CRADD: variants seen among roughly 807,000 people sequenced by gnomAD.
CRADD encodes death domain-containing protein CRADD.
Under a neutral mutation model 15.5 loss-of-function variants are expected in CRADD, and 9 were observed. The ratio of observed to expected loss-of-function variants is 0.58; its 90% CI spans 0.35 to 1.01. The LOEUF is 1.01. CRADD is among the 50% of genes least tolerant of loss of function. The probability of loss-of-function intolerance (pLI) is 0.02; values close to 1 mark genes in which losing one functional copy is unlikely to be tolerated. For missense variants in CRADD, 227 were observed against 250.3 expected (o/e 0.91, Z 0.63); for synonymous variants, 118 against 107.6 (o/e 1.10, Z -0.60).
chr12:93,713,469 C>T (rs1412794861), intron 2 of CRADD, among the ~76,000 whole-genome samples: 2 of 152,144 alleles, frequency 1.3e-5, no homozygotes, highest in African/African-American at 4.8e-5. Flanking sequence ...TCCACAGATG[C>T]TCAAGTTCCT....
intron 2 of CRADD, among the ~76,000 whole-genome samples, chr12:93,863,248 GGT>G (rs1179704018): frequency 3.9e-5 from 6 of 152,128 alleles, no homozygotes; most frequent in African/African-American, 1.4e-4. Context: ...GGAAGGAACT[GGT>G]CTTGCCCTAT....
chr12:93,813,756 G>T (rs3847787), intron 2 of CRADD, among the ~76,000 whole-genome samples: 6 of 151,910 alleles, frequency 3.9e-5, no homozygotes, highest in African/African-American at 1.4e-4. Context: ...TGTCCTGAGA[G>T]GGGGGTATGG....
At chr12:93,829,987 C>T (rs1398491919) in intron 2 of CRADD, among the ~76,000 whole-genome samples, 67 of 152,110 alleles carry the variant, frequency 4.4e-4, no homozygotes, top group South Asian at 2.1e-4. Flanking sequence ...CCACCACGCC[C>T]GGCGGTTATT....
At chr12:93,687,814 AC>A (rs1376738859) in intron 2 of CRADD, among the ~76,000 whole-genome samples, 1 of 152,150 alleles carries the variant, frequency 6.6e-6, no homozygotes, top group Non-Finnish European at 1.5e-5. Flanking sequence ...AGAATCTCAG[AC>A]CCCATACAGG....
intron 2 of CRADD, among the ~76,000 whole-genome samples, chr12:93,718,764 CTTT>C: frequency 6.9e-6 from 1 of 144,270 alleles, no homozygotes; most frequent in East Asian, 2.0e-4. Context: ...AATTTTCTCT[CTTT>C]TTTTTTTTTT....
chr12:93,863,550 C>G (rs1188412331), intron 2 of CRADD, among the ~76,000 whole-genome samples: 1 of 151,120 alleles, frequency 6.6e-6, no homozygotes, highest in Admixed American at 6.6e-5. Flanking sequence ...GATACTAAAT[C>G]CCCCCAGGCC....
intron 2 of CRADD, among the ~76,000 whole-genome samples, chr12:93,689,037 A>G (rs1010036527): frequency 3.9e-5 from 6 of 152,140 alleles, no homozygotes; most frequent in African/African-American, 1.4e-4. Flanking sequence ...ATGGAAGACC[A>G]TACGGTGGGG....
intron 2 of CRADD, chr12:93,733,660 C>T: frequency 6.6e-6 from 1 of 152,308 alleles, no homozygotes. Flanking sequence ...CTCAGGTGGA[C>T]TGCCACATGC....
intron 2 of CRADD, among the ~76,000 whole-genome samples, chr12:93,845,023 G>C (rs553638714): frequency 6.6e-5 from 10 of 152,280 alleles, no homozygotes; most frequent in African/African-American, 2.4e-4. Context: ...AGTTAGGAAG[G>C]CACCTGGGGA....
intron 2 of CRADD, among the ~76,000 whole-genome samples, chr12:93,697,728 C>T (rs917489840): frequency 4.6e-5 from 7 of 151,836 alleles, no homozygotes; most frequent in Admixed American, 4.6e-4. Flanking sequence ...TGACTGAGGC[C>T]CTTATACCAA....
downstream of CRADD, among the ~76,000 whole-genome samples, chr12:93,851,581 C>T (rs927003718): frequency 6.6e-5 from 10 of 152,156 alleles, no homozygotes; most frequent in Admixed American, 2.0e-4. Context: ...GTTAATTTGC[C>T]GCCACTGTGG....
intron 2 of CRADD, chr12:93,830,978 C>T (rs531215904): frequency 4.6e-5 from 7 of 152,220 alleles, no homozygotes; most frequent in Non-Finnish European, 1.0e-4. Context: ...TGTCTGTCTT[C>T]AGGGTGCCAT....
intron 2 of CRADD, among the ~76,000 whole-genome samples, chr12:93,720,541 CCT>C (rs1956242729): frequency 6.6e-6 from 1 of 152,116 alleles, no homozygotes; most frequent in Non-Finnish European, 1.5e-5. Flanking sequence ...AGTGGATTCA[CCT>C]CTTTTTTCTT....
intron 2 of CRADD, among the ~76,000 whole-genome samples, chr12:93,682,992 T>C (rs1458489747): frequency 2.0e-5 from 3 of 152,228 alleles, no homozygotes; most frequent in Admixed American, 2.0e-4. Flanking sequence ...GGTCACATAC[T>C]AGACATTAGA....
intron 2 of CRADD, among the ~76,000 whole-genome samples, chr12:93,867,405 T>TATATATATATATATATATATATATATATA (rs1207739624): frequency 0.034 from 3,430 of 100,480 alleles, 466 homozygotes; most frequent in Non-Finnish European, 0.046. Flanking sequence ...ATATATATAT[T>TATATATATATATATATATATATATATATA]TTTTAAACTT....
intron 2 of CRADD, among the ~76,000 whole-genome samples, chr12:93,745,875 T>C (rs1052968272): frequency 2.0e-5 from 3 of 152,208 alleles, no homozygotes; most frequent in African/African-American, 7.2e-5. Flanking sequence ...TTATTAAGTA[T>C]ACAATTACTT....
chr12:93,771,994 G>T (rs1245643172), intron 2 of CRADD, among the ~76,000 whole-genome samples: 1 of 152,224 alleles, frequency 6.6e-6, no homozygotes, highest in Non-Finnish European at 1.5e-5. Flanking sequence ...AGTGTGGCAA[G>T]TTGAATGTAT....
chr12:93,850,607 A>ATG lies in CRADD; in HGVS notation c.*337_*338insGT, dbSNP rs1958208362. The ATG allele has an allele frequency of 2.2e-6, 2 of 915,170 alleles. No individual in the cohort carries two copies. Among genetic ancestry groups the ATG allele is most frequent in the Admixed American group, 6.1e-5 (1 of 16,476 alleles). 56.7% of individuals were successfully genotyped at this position (915,170 alleles called of 1,614,324 possible). ...CATATATATATATATCCATATATATATCTCATGTCATCACATTACAGGCAG... is the reference window on the plus strand; with the variant it reads ...CATATATATATATATCCATATATATATGTCTCATGTCATCACATTACAGGCAG... On this transcript the variant is annotated 3_prime_UTR_variant, in exon 3 of 3. Transcript: ENST00000332896. The surrounding 1 kb of genome is among the most constrained non-coding windows in gnomAD (Gnocchi z 4.0).
intron 2 of CRADD, among the ~76,000 whole-genome samples, chr12:93,883,486 C>T (rs1052201120): frequency 1.3e-5 from 2 of 152,070 alleles, no homozygotes; most frequent in Non-Finnish European, 2.9e-5. Flanking sequence ...AATTTAAAGA[C>T]AAGTAAGAAA....
Sources: gnomAD v4.1 joint callset for allele counts (sites outside exome capture counted in the v4.1 genomes callset) on GRCh38, gnomAD v4.1.1 for gene constraint, Gnocchi (gnomAD v3.1) non-coding constraint, MANE v1.5 for transcripts, NCBI Gene and HGNC (gene_info 2026-07-23, HGNC 2026-07-21) for gene names.